ZAN: variants seen among roughly 807,000 people sequenced by gnomAD.
ZAN encodes the protein zonadhesin, also known as zonadhesin (gene/pseudogene).
In ZAN, 260 loss-of-function variants were observed where a neutral mutation model predicts 286.2. The observed-to-expected ratio is 0.91, with a 90% CI of 0.82 to 1.01. The LOEUF is 1.01. Among genes scored for constraint, ZAN ranks in the 50% least tolerant of loss-of-function variants. The probability of loss-of-function intolerance (pLI) is 0.00; values close to 1 mark genes in which losing one functional copy is unlikely to be tolerated. For missense variants in ZAN, 3,410 were observed against 3,639.2 expected (o/e 0.94, Z 1.62); for synonymous variants, 1,368 against 1,417.5 (o/e 0.97, Z 0.79).
chr7:100,754,991 C>T (rs1004445968), intron 14 of ZAN, among the ~76,000 whole-genome samples: 10 of 152,030 alleles, frequency 6.6e-5, no homozygotes, highest in Non-Finnish European at 1.3e-4. Context: ...GGTCTCACTA[C>T]GTTGCACAGC....
At chr7:100,795,772 GGT>G (rs1310539476) in intron 45 of ZAN, among the ~76,000 whole-genome samples, 3 of 152,012 alleles carry the variant, frequency 2.0e-5, no homozygotes, top group Non-Finnish European at 2.9e-5. Context: ...CGGGTGTGGT[GGT>G]GTGCGCCTGT....
At chr7:100,776,642 T>C in intron 34 of ZAN, 78 bp downstream of exon 34, 1 of 1,121,260 alleles carries the variant, frequency 8.9e-7, no homozygotes, top group Non-Finnish European at 1.2e-6. Flanking sequence ...TTCCCTTCCC[T>C]TCCCTCCCCT....
chr7:100,758,475 G>C, intron 16 of ZAN, 56 bp from the exon 17 acceptor site: 1 of 1,553,848 alleles, frequency 6.4e-7, no homozygotes, highest in Non-Finnish European at 8.7e-7. Context: ...AGCATGTGCG[G>C]TCCAGCCTGG....
At chr7:100,794,327 C>G in intron 44 of ZAN, 69 bp downstream of exon 44, 1 of 1,524,246 alleles carries the variant, frequency 6.6e-7, no homozygotes, top group Non-Finnish European at 8.8e-7. Context: ...CAAGGATCGT[C>G]CCCTCCTTGT....
At chr7:100,733,734 C>T (rs1168688955) in intron 1 of ZAN, 86 bp downstream of exon 1, 1 of 147,590 alleles carries the variant, frequency 6.8e-6, no homozygotes, top group African/African-American at 2.6e-5. Context: ...TTCCATGGGT[C>T]TCTATGCTTT....
intron 7 of ZAN, among the ~76,000 whole-genome samples, chr7:100,744,976 C>T (rs1379878430): frequency 6.6e-6 from 1 of 151,240 alleles, no homozygotes; most frequent in Non-Finnish European, 1.5e-5. Context: ...CTCCGCCTCC[C>T]GGGTTTAAGC....
rs1362140804 is a variant in ZAN, at chr7:100,737,687, T to A, written c.613+338T>A. On this transcript the variant is annotated intron_variant, in intron 6 of 47. Transcript: ENST00000613979. ...TGCCACTGCACTCCAGCCTTGGCGA[T>A]GGAGTGAGACTCCGTCTCAAAAAAA... Among the ~76,000 whole-genome samples the A allele has an allele frequency of 1.5e-4, 20 of 133,394 alleles. 2 individuals carry two copies. The highest frequency in any genetic ancestry group is 5.5e-4 in the African/African-American group (20 of 36,434). The allele number at this position is 133,394 out of a possible 152,430, so 87.5% of individuals were successfully genotyped here. A position where few individuals can be genotyped will look rare whatever the true frequency, so the allele number is the denominator to read the frequency against.
In ZAN at chr7:100,752,657, C is replaced by T. The variant is rs777392997; in HGVS notation, c.2552C>T (p.Thr851Ile). 2 of 1,612,750 alleles carry T rather than the reference C, an allele frequency of 1.2e-6. No individual in the cohort carries two copies. Among genetic ancestry groups the T allele is most frequent in the South Asian group, 2.2e-5 (2 of 91,000 alleles). ...EKLTIPMEKPTISTEKPTIPT... is the reference protein window; with the variant it reads ...EKLTIPMEKPIISTEKPTIPT... ...CTCACCATCCCCATGGAAAAACCCA[C>T]CATCTCCACAGAAAAACCCACCATC... The change falls in exon 14 of 48, where the codon ACC becomes ATC. Residue 851 changes from threonine (T) to isoleucine (I), a missense_variant. Around this residue, in one of 7 missense-constraint regions of ZAN, gnomAD observed 90 missense variants for 87.1 expected, o/e 1.03. Transcript: ENST00000613979.
chr7:100,738,863 C>CTT, intron 7 of ZAN, among the ~76,000 whole-genome samples: 1 of 90,654 alleles, frequency 1.1e-5, no homozygotes, highest in Non-Finnish European at 2.7e-5. Flanking sequence ...TCTTTCTCTT[C>CTT]CTCTTCTTCT....
chr7:100,762,555 A>G (rs1809674892), intron 20 of ZAN, among the ~76,000 whole-genome samples, 197 bp downstream of exon 20: 2 of 150,378 alleles, frequency 1.3e-5, no homozygotes, highest in African/African-American at 4.9e-5. Flanking sequence ...TCTCCCGAGT[A>G]GCTGGGATTA....
chr7:100,740,616 G>T (rs1488389186), intron 7 of ZAN, among the ~76,000 whole-genome samples: 1 of 17,540 alleles, frequency 5.7e-5, no homozygotes, highest in Non-Finnish European at 1.1e-4. Flanking sequence ...CAGGGTTGGG[G>T]GTAAGGTCAC....
At chr7:100,781,091 C>G (rs1811170595) in intron 35 of ZAN, among the ~76,000 whole-genome samples, 1 of 151,924 alleles carries the variant, frequency 6.6e-6, no homozygotes, top group Non-Finnish European at 1.5e-5. Context: ...TTTTTTGAGA[C>G]AGAATCTCGC....
At chr7:100,756,355 G>A (rs1345364951) in intron 15 of ZAN, among the ~76,000 whole-genome samples, 2 of 152,120 alleles carry the variant, frequency 1.3e-5, no homozygotes, top group South Asian at 2.1e-4. Flanking sequence ...GTTGAGCCCA[G>A]GAGTCTGACG....
chr7:100,759,084 G>T (rs889637135), intron 17 of ZAN, among the ~76,000 whole-genome samples: 1 of 152,054 alleles, frequency 6.6e-6, no homozygotes, highest in Non-Finnish European at 1.5e-5. Flanking sequence ...AATTAGCCAG[G>T]CTTGGTGGCA....
chr7:100,797,653 C>CG, intron 47 of ZAN, 30 bp downstream of exon 47: 2 of 1,614,014 alleles, frequency 1.2e-6, no homozygotes. Flanking sequence ...CCCGGAACCT[C>CG]GGGGCCTAGA....
At chr7:100,771,219 C>T (rs1584602051) in intron 28 of ZAN, among the ~76,000 whole-genome samples, 1 of 152,116 alleles carries the variant, frequency 6.6e-6, no homozygotes, top group Admixed American at 6.6e-5. Flanking sequence ...AGGTTATAGG[C>T]GGGAGCCACC....
In ZAN at chr7:100,792,483, C is replaced by T. The variant is rs779004843; in HGVS notation, c.7787+4C>T. On this transcript the variant is annotated splice_donor_region_variant and intron_variant, in intron 42 of 47. Transcript: ENST00000613979. ...TGCGTTGCCAGGTCCTCAGTGGGTA[C>T]GCCATCCTCTGCCAGGAGGCGGGCG... 52 of 1,613,706 alleles carry T rather than the reference C, an allele frequency of 3.2e-5. No homozygotes were observed. Among genetic ancestry groups the T allele is most frequent in the East Asian group, 8.9e-5 (4 of 44,894 alleles).
At position 100,797,720 on chromosome 7, in the gene ZAN, C is replaced by T. The variant is rs1198043548; in HGVS notation, c.8427C>T (p.Asp2809=). The T allele has an allele frequency of 1.2e-6, 2 of 1,613,866 alleles. No homozygotes were observed. The highest frequency in any genetic ancestry group is 1.7e-5 in the Admixed American group (1 of 59,976). Residue 2809 remains aspartate (D), a synonymous_variant, in exon 48 of 48, where the codon GAC becomes GAT. Coordinates refer to ENST00000613979, the MANE Select transcript of ZAN (RefSeq NM_003386.3). ...ARLVDTDTVL[D]CAC ...CTTTCTCCTCAGATACTGTTCTGGA[C>T]TGTGCCTGTTAAGTTGCTCAGTTTT... is the stretch of plus-strand genomic sequence containing the variant.
chr7:100,764,320 C>A, intron 22 of ZAN, 124 bp downstream of exon 22: 2 of 1,220,892 alleles, frequency 1.6e-6, no homozygotes, highest in Non-Finnish European at 2.2e-6. Context: ...CTGGCCAACA[C>A]CCCGTCTCTA....
Sources: gnomAD v4.1 joint callset for allele counts (sites outside exome capture counted in the v4.1 genomes callset) on GRCh38, gnomAD v4.1.1 for gene constraint, gnomAD v4.1.1 regional missense constraint, MANE v1.5 for transcripts, NCBI Gene and HGNC (gene_info 2026-07-23, HGNC 2026-07-21) for gene names.